The following CATSPER3 variants were observed in gnomAD, a reference collection of about 807,000 sequenced individuals.
CATSPER3 encodes cation channel sperm-associated protein 3.
Under a neutral mutation model 36.6 loss-of-function variants are expected in CATSPER3, and 23 were observed. That is an observed-to-expected ratio of 0.63 (90% CI 0.45 to 0.89). CATSPER3 has a LOEUF of 0.89. CATSPER3 is among the 40% of genes least tolerant of loss of function. CATSPER3 has a pLI of 0.00. For synonymous variants in CATSPER3, 172 were observed against 184.1 expected, an observed-to-expected ratio of 0.93 and a Z score of 0.53; for missense variants, 474 against 503.9, an observed-to-expected ratio of 0.94 and a Z score of 0.57.
intron 3 of CATSPER3, among the ~76,000 whole-genome samples, chr5:135,002,525 G>C (rs540422532): frequency 2.6e-5 from 4 of 152,242 alleles, no homozygotes; most frequent in African/African-American, 9.6e-5. Context: ...GCTAGGTTGG[G>C]GAAGTTCCCC....
chr5:135,007,932 C>G (rs765818925), intron 3 of CATSPER3, 25 bp from the exon 4 acceptor site: 1 of 1,608,914 alleles, frequency 6.2e-7, no homozygotes. Context: ...GTACCCTCGC[C>G]TACCACAGTG....
At chr5:134,996,836 T>G (rs147841184) in intron 3 of CATSPER3, among the ~76,000 whole-genome samples, 14 of 152,324 alleles carry the variant, frequency 9.2e-5, no homozygotes, top group African/African-American at 3.4e-4. Flanking sequence ...AGTGCCTGAT[T>G]TTCTTATGCT....
intron 3 of CATSPER3, among the ~76,000 whole-genome samples, chr5:135,002,092 G>A (rs900705488): frequency 1.3e-5 from 2 of 152,188 alleles, no homozygotes; most frequent in Non-Finnish European, 2.9e-5. Context: ...TTTTTGCAGT[G>A]GCTGTTACTG....
At chr5:135,002,939 T>G (rs186732463) in intron 3 of CATSPER3, among the ~76,000 whole-genome samples, 1 of 152,314 alleles carries the variant, frequency 6.6e-6, no homozygotes, top group African/African-American at 2.4e-5. Context: ...GTCTGAAGCC[T>G]TCTTCTCTCA....
At chr5:134,974,286 A>T (rs984877037) in intron 2 of CATSPER3, among the ~76,000 whole-genome samples, 4 of 152,214 alleles carry the variant, frequency 2.6e-5, no homozygotes, top group Middle Eastern at 3.4e-3. Context: ...AAGGAAAGAA[A>T]AAGGAATGGG....
chr5:135,005,736 GA>G (rs1752077942), intron 3 of CATSPER3, among the ~76,000 whole-genome samples: 1 of 152,226 alleles, frequency 6.6e-6, no homozygotes, highest in African/African-American at 2.4e-5. Context: ...GCACCATGAG[GA>G]AATGCTGTTT....
At chr5:134,983,292 T>C (rs1751770628) in intron 2 of CATSPER3, among the ~76,000 whole-genome samples, 1 of 152,230 alleles carries the variant, frequency 6.6e-6, no homozygotes, top group Non-Finnish European at 1.5e-5. Flanking sequence ...TCATATGTTG[T>C]CTACAGGAGA....
intron 2 of CATSPER3, among the ~76,000 whole-genome samples, chr5:134,982,847 A>G (rs910054598): frequency 6.6e-6 from 1 of 152,256 alleles, no homozygotes; most frequent in Non-Finnish European, 1.5e-5. Context: ...TATGGTTTAA[A>G]ATACCAATGT....
At chr5:134,974,180 G>A (rs1433304133) in intron 2 of CATSPER3, among the ~76,000 whole-genome samples, 1 of 152,128 alleles carries the variant, frequency 6.6e-6, no homozygotes, top group Admixed American at 6.5e-5. Flanking sequence ...AGGCCAGAGG[G>A]ATATGCTGAA....
At position 134,982,263 on chromosome 5, in the gene CATSPER3, A is replaced by G. The variant is rs537890090; in HGVS notation, c.252+12171A>G. Among the ~76,000 whole-genome samples the G allele has an allele frequency of 7.2e-5, 11 of 152,330 alleles. No homozygotes were observed. In the South Asian group the frequency reaches 2.1e-3, roughly 29 times the overall value. On this transcript the variant is annotated intron_variant, in intron 2 of 7. Coordinates refer to ENST00000282611, the MANE Select transcript of CATSPER3 (RefSeq NM_178019.3). ...ATAGGGGTTCCAGAAGGAGAGGAGA[A>G]AATAAGGCAGAAATAATATTTAAAG...
chr5:134,994,500 A>G (rs964259534), intron 2 of CATSPER3, among the ~76,000 whole-genome samples: 5 of 152,266 alleles, frequency 3.3e-5, no homozygotes, highest in Admixed American at 3.3e-4. Flanking sequence ...TTGCCAATAT[A>G]TAGTGAAGTT....
intron 2 of CATSPER3, among the ~76,000 whole-genome samples, chr5:134,978,143 A>G (rs756875522): frequency 6.6e-6 from 1 of 152,178 alleles, no homozygotes; most frequent in African/African-American, 2.4e-5. Context: ...GTGGTTGCTA[A>G]AGGCTGGGAA....
At chr5:134,979,221 C>A (rs1032220951) in intron 2 of CATSPER3, among the ~76,000 whole-genome samples, 1 of 152,162 alleles carries the variant, frequency 6.6e-6, no homozygotes, top group Non-Finnish European at 1.5e-5. Flanking sequence ...GTTGCAGCCT[C>A]AGCTGCTTGG....
intron 2 of CATSPER3, 64 bp from the exon 3 acceptor site, chr5:134,996,209 G>A: frequency 6.2e-7 from 1 of 1,611,050 alleles, no homozygotes; most frequent in Non-Finnish European, 8.5e-7. Flanking sequence ...CACGCAGGGA[G>A]CAGGCCAGAG....
intron 3 of CATSPER3, among the ~76,000 whole-genome samples, chr5:135,000,169 C>T (rs1317826364): frequency 6.6e-6 from 1 of 152,188 alleles, no homozygotes; most frequent in Admixed American, 6.5e-5. Context: ...GAGATAATCA[C>T]GTGGTTTTTG....
chr5:134,986,047 A>G (rs894330140), intron 2 of CATSPER3, among the ~76,000 whole-genome samples: 40 of 152,262 alleles, frequency 2.6e-4, no homozygotes, highest in Admixed American at 4.6e-4. Context: ...AAATATATAT[A>G]TACATAAAAT....
intron 1 of CATSPER3, chr5:134,969,651 A>C: frequency 2.3e-6 from 1 of 435,672 alleles, no homozygotes; most frequent in Non-Finnish European, 4.3e-6. Context: ...AGATTTGTTG[A>C]GTCAATGAAG....
intron 3 of CATSPER3, among the ~76,000 whole-genome samples, chr5:135,002,507 C>T (rs1752033872): frequency 6.6e-6 from 1 of 152,172 alleles, no homozygotes; most frequent in Non-Finnish European, 1.5e-5. Flanking sequence ...TGAGTGTTGG[C>T]CTGCCTTGCT....
At chr5:134,977,084 A>G (rs893467467) in intron 2 of CATSPER3, among the ~76,000 whole-genome samples, 1 of 152,062 alleles carries the variant, frequency 6.6e-6, no homozygotes, top group Non-Finnish European at 1.5e-5. Flanking sequence ...CCTTTTCCCC[A>G]TTGTCTTGGT....
Sources: gnomAD v4.1 joint callset for allele counts (sites outside exome capture counted in the v4.1 genomes callset) on GRCh38, gnomAD v4.1.1 for gene constraint, MANE v1.5 for transcripts, NCBI Gene and HGNC (gene_info 2026-07-23, HGNC 2026-07-21) for gene names.